ETS1: variants seen among roughly 807,000 people sequenced by gnomAD.
ETS1 encodes the protein protein C-ets-1.
A neutral mutation model predicts 58.6 loss-of-function variants in ETS1; 15 were observed. That is an observed-to-expected ratio of 0.26 (90% confidence interval 0.17 to 0.39). The LOEUF (loss-of-function observed/expected upper bound fraction) is 0.39, where lower values mean the gene tolerates loss of function less well. ETS1 is among the 10% of genes least tolerant of loss of function. The pLI is 1.00. For synonymous variants in ETS1, 214 were observed against 218.2 expected (o/e 0.98, Z 0.17); for missense variants, 417 against 610.5 (o/e 0.68, Z 3.34).
At chr11:128,548,421 A>C (rs1030911761) in intron 3 of ETS1, among the ~76,000 whole-genome samples, 2 of 152,158 alleles carry the variant, frequency 1.3e-5, no homozygotes, top group Non-Finnish European at 2.9e-5. Context: ...CAGAGGGTTC[A>C]GTGATTCGTC....
chr11:128,527,075 C>T (rs576045765), intron 3 of ETS1: 13 of 422,542 alleles, frequency 3.1e-5, no homozygotes, highest in Non-Finnish European at 5.7e-5. Context: ...AGACAGGATA[C>T]AATGGACATG....
intron 8 of ETS1, among the ~76,000 whole-genome samples, chr11:128,471,888 G>C (rs1003018077): frequency 1.3e-5 from 2 of 152,158 alleles, no homozygotes; most frequent in African/African-American, 4.8e-5. Flanking sequence ...TTTTATCCTA[G>C]GGGTTAAGTT....
At chr11:128,485,117 T>G (rs766573054) in intron 6 of ETS1, 46 bp from the exon 7 acceptor site, 1 of 1,571,802 alleles carries the variant, frequency 6.4e-7, no homozygotes, top group Admixed American at 1.8e-5. Flanking sequence ...GATTTGTACC[T>G]AAAATAAGCA....
At chr11:128,511,505 T>C (rs1465712240) in intron 3 of ETS1, among the ~76,000 whole-genome samples, 3 of 152,144 alleles carry the variant, frequency 2.0e-5, no homozygotes, top group African/African-American at 4.8e-5. Flanking sequence ...AGAGCCTATA[T>C]CATAGTGATC....
At chr11:128,485,190 C>T (rs1196782738) in intron 6 of ETS1, 119 bp from the exon 7 acceptor site, 1 of 857,104 alleles carries the variant, frequency 1.2e-6, no homozygotes, top group Non-Finnish European at 1.8e-6. Context: ...AGGGAAAATA[C>T]TTTAAATCAG....
At chr11:128,552,465 A>G (rs1198971825) in intron 3 of ETS1, among the ~76,000 whole-genome samples, 7 of 152,194 alleles carry the variant, frequency 4.6e-5, no homozygotes, top group Non-Finnish European at 1.5e-5. Flanking sequence ...TGTGTTTCCT[A>G]TGTTCTCTAG....
At position 128,573,161 on chromosome 11, in the gene ETS1, G is replaced by T; in HGVS notation, c.-14-17C>A. The T allele has an allele frequency of 6.5e-7, 1 of 1,537,162 alleles. No homozygotes were observed. Among genetic ancestry groups the T allele is most frequent in the Non-Finnish European group, 8.9e-7 (1 of 1,129,936 alleles). On this transcript the variant is annotated splice_polypyrimidine_tract_variant and intron_variant, in intron 1 of 9. Transcript: ENST00000392668. ...TCTCAGCACCTGTGTGAGAGAAGGCGTTGGCTGAGCCTCTGGATGCTCACA... is the reference window on the plus strand; with the variant it reads ...TCTCAGCACCTGTGTGAGAGAAGGCTTTGGCTGAGCCTCTGGATGCTCACA...
At chr11:128,475,152 T>C (rs1045623888) in intron 8 of ETS1, among the ~76,000 whole-genome samples, 36 of 152,406 alleles carry the variant, frequency 2.4e-4, no homozygotes, top group African/African-American at 7.7e-4. Flanking sequence ...TAACCTGCTT[T>C]TACTCTTTCC....
intron 3 of ETS1, chr11:128,536,473 T>C (rs1423528258): frequency 6.6e-6 from 1 of 152,242 alleles, no homozygotes; most frequent in Non-Finnish European, 1.5e-5. Flanking sequence ...TAAATGAACA[T>C]TATCATGAGA....
At chr11:128,573,766 A>G (rs1172300046) in intron 1 of ETS1, among the ~76,000 whole-genome samples, 1 of 152,166 alleles carries the variant, frequency 6.6e-6, no homozygotes, top group East Asian at 1.9e-4. Context: ...TGCTTGAGCA[A>G]TTTTCTGGCT....
chr11:128,542,112 A>C (rs1320406287), intron 3 of ETS1, among the ~76,000 whole-genome samples: 1 of 152,196 alleles, frequency 6.6e-6, no homozygotes, highest in Non-Finnish European at 1.5e-5. Context: ...ACTGCTGATC[A>C]CAGTACCCCC....
At chr11:128,556,838 C>T (rs1007884235) in intron 2 of ETS1, among the ~76,000 whole-genome samples, 2 of 152,032 alleles carry the variant, frequency 1.3e-5, no homozygotes, top group Non-Finnish European at 2.9e-5. Flanking sequence ...CACAATCATA[C>T]AACAAGTAAA....
At chr11:128,487,681 G>C (rs1264732882) in intron 5 of ETS1, among the ~76,000 whole-genome samples, 2 of 152,158 alleles carry the variant, frequency 1.3e-5, no homozygotes, top group African/African-American at 4.8e-5. Flanking sequence ...GAAGGTTGCA[G>C]TGAGCCGACA....
intron 3 of ETS1, among the ~76,000 whole-genome samples, chr11:128,552,641 T>G (rs1864248675): frequency 6.6e-6 from 1 of 152,256 alleles, no homozygotes; most frequent in African/African-American, 2.4e-5. Context: ...TCGTATTTTC[T>G]GATATGAACT....
chr11:128,513,930 T>A lies in ETS1; in HGVS notation c.215-23354A>T, dbSNP rs114480772. Among the ~76,000 whole-genome samples the A allele has an allele frequency of 2.6e-3, 402 of 152,200 alleles. 3 individuals are homozygous for A. Among genetic ancestry groups the A allele is most frequent in the African/African-American group, 9.2e-3 (383 of 41,528 alleles). The stretch of plus-strand genomic sequence containing the variant: ...ATCAGACTCAACAACACATTTTTAT[T>A]CTGAACATGAATGATACTAATGCAT... On this transcript the variant is annotated intron_variant, in intron 3 of 9. Coordinates refer to ENST00000392668, the MANE Select transcript of ETS1 (RefSeq NM_001143820.2).
At chr11:128,466,242 A>G (rs1350161855) in intron 8 of ETS1, among the ~76,000 whole-genome samples, 1 of 152,060 alleles carries the variant, frequency 6.6e-6, no homozygotes, top group Non-Finnish European at 1.5e-5. Flanking sequence ...CTCCTTCCCA[A>G]TGTTCACCTT....
chr11:128,468,227 A>C (rs1343961726), intron 8 of ETS1, among the ~76,000 whole-genome samples: 1 of 152,210 alleles, frequency 6.6e-6, no homozygotes. Context: ...GTAAAGCTTC[A>C]AGTAAATTAC....
At chr11:128,466,976 T>G (rs923065872) in intron 8 of ETS1, among the ~76,000 whole-genome samples, 2 of 152,176 alleles carry the variant, frequency 1.3e-5, no homozygotes, top group African/African-American at 4.8e-5. Flanking sequence ...GCCTAACTGG[T>G]GCACACAGGG....
At chr11:128,561,870 G>T (rs1864410818) in intron 2 of ETS1, among the ~76,000 whole-genome samples, 1 of 152,200 alleles carries the variant, frequency 6.6e-6, no homozygotes. Context: ...GCTAGACCTA[G>T]CAGCAAAAAG....
Sources: allele counts gnomAD v4.1 joint callset (sites outside exome capture counted in the v4.1 genomes callset), GRCh38; gene constraint gnomAD v4.1.1; transcripts MANE v1.5; gene names NCBI Gene and HGNC (gene_info 2026-07-23, HGNC 2026-07-21).